TBX3: variants seen among roughly 807,000 people sequenced by gnomAD.
The protein encoded by TBX3 is T-box transcription factor TBX3.
In TBX3, 11 loss-of-function variants were observed where a neutral mutation model predicts 47.8. The ratio of observed to expected loss-of-function variants is 0.23; its 90% CI spans 0.14 to 0.38. The LOEUF (loss-of-function observed/expected upper bound fraction) is 0.38. TBX3 is among the 10% of genes least tolerant of loss of function. TBX3 has a pLI of 1.00. For synonymous variants in TBX3, 500 were observed against 449.3 expected (o/e 1.11, Z -1.43); for missense variants, 927 against 1,022.8 (o/e 0.91, Z 1.28).
chr12:114,671,968 C>T lies in TBX3; in HGVS notation c.2045G>A (p.Ser682Asn), dbSNP rs199572544. The T allele has an allele frequency of 3.4e-5, 55 of 1,601,088 alleles. No individual in the cohort carries two copies. In the African/African-American group the frequency reaches 6.4e-4, roughly 19 times the overall value. ...GAGTTTGGGCGACAAGGACATGGAG[C>T]TGGAGGAGAGCGTGGAGGAGCGGCT... ...LNSRSSTLSS[S>N]SMSLSPKLCA... The change falls in exon 7 of 7, where the codon AGC (serine) becomes AAC (asparagine). Residue 682 changes from serine (S) to asparagine (N), a missense_variant. By Grantham distance (46) the Ser-to-Asn change is conservative. Around this residue, in one of 5 missense-constraint regions of TBX3, gnomAD observed 623 missense variants for 569.0 expected, o/e 1.09. Coordinates refer to ENST00000349155, the MANE Select transcript of TBX3 (RefSeq NM_005996.4).
chr12:114,670,267 A>C lies in TBX3; in HGVS notation c.*1574T>G, dbSNP rs1274404662. The stretch of plus-strand genomic sequence containing the variant: ...CACAAGGCCCAAAGACATTTCAATA[A>C]AAATTTATTGAAATTTCAGTGATGT... On this transcript the variant is annotated 3_prime_UTR_variant, in exon 7 of 7. Coordinates refer to ENST00000349155, the MANE Select transcript of TBX3 (RefSeq NM_005996.4). The C allele has an allele frequency of 2.3e-5, 5 of 214,606 alleles. No homozygotes were observed. Among genetic ancestry groups the C allele is most frequent in the Non-Finnish European group, 4.7e-5 (5 of 106,530 alleles). 13.3% of individuals were successfully genotyped at this position (214,606 alleles called of 1,614,324 possible).
chr12:114,680,118 C>T, intron 2 of TBX3: 1 of 799,326 alleles, frequency 1.3e-6, no homozygotes, highest in South Asian at 1.6e-5. Flanking sequence ...AAATCAAGGG[C>T]TTCAAATGCA....
chr12:114,678,003 A>G (rs1453073191), intron 3 of TBX3, among the ~76,000 whole-genome samples: 1 of 149,226 alleles, frequency 6.7e-6, no homozygotes, highest in Non-Finnish European at 1.5e-5. Flanking sequence ...TTAATCATAA[A>G]TTATAGCATA....
rs1005082809 is a variant in TBX3, at chr12:114,676,620, G to A, written c.882-150C>T. ...AATTCACTGAAATCTGCTTGCCCCA[G>A]GGCAGCCACATAGACCCAAGCTTTG... On this transcript the variant is annotated intron_variant, in intron 4 of 6. Transcript: ENST00000349155. 91 of 1,075,068 alleles carry A rather than the reference G, an allele frequency of 8.5e-5. No homozygotes were observed. In the African/African-American group the frequency reaches 1.2e-3, roughly 14 times the overall value. The allele number at this position is 1,075,068 out of a possible 1,614,324, so 66.6% of individuals were successfully genotyped here. A position where few individuals can be genotyped will look rare whatever the true frequency, so the allele number is the denominator to read the frequency against.
intron 4 of TBX3, 56 bp downstream of exon 4, chr12:114,677,524 G>T (rs1868761631): frequency 6.4e-7 from 1 of 1,550,704 alleles, no homozygotes; most frequent in South Asian, 1.1e-5. Context: ...TTCAGAGTTG[G>T]ATCCTAAAAA....
At position 114,683,977 on chromosome 12, in the gene TBX3, G is replaced by C. The variant is rs769888620; in HGVS notation, c.-777C>G. The C allele has an allele frequency of 8.7e-6, 2 of 230,384 alleles. No homozygotes were observed. Among genetic ancestry groups the C allele is most frequent in the Non-Finnish European group, 1.7e-5 (2 of 116,418 alleles). 14.3% of individuals were successfully genotyped at this position (230,384 alleles called of 1,614,324 possible). A position where few individuals can be genotyped will look rare whatever the true frequency, so the allele number is the denominator to read the frequency against. On this transcript the variant is annotated 5_prime_UTR_variant, in exon 1 of 7. Coordinates refer to ENST00000349155, the MANE Select transcript of TBX3 (RefSeq NM_005996.4). This position sits in a 1 kb window ranked among gnomAD's most constrained non-coding sequence, Gnocchi z 7.7. ...CTCTCTCTCTTCCTTGTCCTAAAAC[G>C]TGAGCGAATTCGCTTCCTAAATCTG... is the stretch of plus-strand genomic sequence containing the variant.
At chr12:114,672,412 A>T in intron 6 of TBX3, 110 bp from the exon 7 acceptor site, 177 of 704,874 alleles carry the variant, frequency 2.5e-4, no homozygotes, top group Non-Finnish European at 3.3e-4. Flanking sequence ...AATCCCTGGT[A>T]TGTTCTGTTG....
rs751228574 is a variant in TBX3, at chr12:114,679,508, A to G, written c.801T>C (p.Asp267=). 3 of 1,614,206 alleles carry G rather than the reference A, an allele frequency of 1.9e-6. No individual in the cohort carries two copies. The highest frequency in any genetic ancestry group is 2.5e-6 in the Non-Finnish European group (3 of 1,180,036). ...AAGGAAAGCCCCTTGAGTTTACCTTATCATTCTGGTATGCAGTCACAGCGA... is the reference window on the plus strand; with the variant it reads ...AAGGAAAGCCCCTTGAGTTTACCTTGTCATTCTGGTATGCAGTCACAGCGA... ...EFIAVTAYQN[D]KITQLKIDNN... Residue 267 remains aspartate (D), a synonymous_variant, in exon 3 of 7, where the codon GAT becomes GAC. Coordinates refer to ENST00000349155, the MANE Select transcript of TBX3 (RefSeq NM_005996.4).
Position 114,674,675 on chromosome 12 carries a change from C to G in TBX3, c.1200G>C (p.Glu400Asp), listed in dbSNP as rs763697862. 2 of 1,607,622 alleles carry G rather than the reference C, an allele frequency of 1.2e-6. No homozygotes were observed. The highest frequency in any genetic ancestry group is 1.1e-5 in the South Asian group (1 of 90,732). Residue 400 changes from glutamate (E) to aspartate (D), a missense_variant, in exon 6 of 7, where the codon GAG (glutamate) becomes GAC (aspartate). Coordinates refer to ENST00000349155, the MANE Select transcript of TBX3 (RefSeq NM_005996.4). Reference sequence around the variant, plus strand: ...CCAGCCGCCCGCTGTCCCGGGGCCGCTCAGCAGCGAAAAGGTGAGCCTTGA... The same window carrying G: ...CCAGCCGCCCGCTGTCCCGGGGCCGGTCAGCAGCGAAAAGGTGAGCCTTGA... ...PAVKAHLFAA[E>D]RPRDSGRLDK...
Position 114,671,851 on chromosome 12 carries a change from G to A in TBX3, c.2162C>T (p.Ala721Val), listed in dbSNP as rs15033. Reference protein sequence around the residue: ...LEAKPDRSRSASP With the variant: ...LEAKPDRSRSVSP ...GTGTCTGGGACGGGTCTACGGGGAC[G>A]CGCTGCGGGACCTGTCCGGCTTGGC... is the stretch of plus-strand genomic sequence containing the variant. Residue 721 changes from alanine (A) to valine (V), a missense_variant, in exon 7 of 7, where the codon GCG (alanine) becomes GTG (valine). Ala to Val is a moderately conservative substitution (Grantham distance 64, BLOSUM62 0). Around this residue, in one of 5 missense-constraint regions of TBX3, gnomAD observed 623 missense variants for 569.0 expected, o/e 1.09. Transcript: ENST00000349155. 1.3e-6 allele frequency: 2 copies of A among 1,556,522 alleles called. No individual in the cohort carries two copies. The highest frequency in any genetic ancestry group is 1.7e-6 in the Non-Finnish European group (2 of 1,150,662).
chr12:114,676,857 T>C (rs1048709152), intron 4 of TBX3, among the ~76,000 whole-genome samples: 1 of 152,246 alleles, frequency 6.6e-6, no homozygotes, highest in African/African-American at 2.4e-5. Context: ...TGTCCAATCC[T>C]GCAAACACAA....
At position 114,671,447 on chromosome 12, in the gene TBX3, G is replaced by T; in HGVS notation, c.*394C>A. The stretch of plus-strand genomic sequence containing the variant: ...TTTTTTTTTGAAAGATTTTGTTTTT[G>T]TTTCCACTTGACACAGTGAAGGAAA... On this transcript the variant is annotated 3_prime_UTR_variant, in exon 7 of 7. Coordinates refer to ENST00000349155, the MANE Select transcript of TBX3 (RefSeq NM_005996.4). 1 of 289,176 alleles carries T rather than the reference G, an allele frequency of 3.5e-6. No individual in the cohort carries two copies. The highest frequency in any genetic ancestry group is 6.5e-6 in the Non-Finnish European group (1 of 153,338). 17.9% of individuals were successfully genotyped at this position (289,176 alleles called of 1,614,324 possible).
Position 114,671,751 on chromosome 12 carries a change from G to T in TBX3, c.*90C>A. 2 of 1,501,688 alleles carry T rather than the reference G, an allele frequency of 1.3e-6. No individual in the cohort carries two copies. The highest frequency in any genetic ancestry group is 2.0e-5 in the Admixed American group (1 of 50,946). The allele number at this position is 1,501,688 out of a possible 1,614,324, so 93.0% of individuals were successfully genotyped here. On this transcript the variant is annotated 3_prime_UTR_variant, in exon 7 of 7. Transcript: ENST00000349155. ...CGCAACTGCAAAAGGAAGGGCTAAC[G>T]CCATGGCGGGCCCGTGGTTTATTTT...
chr12:114,681,358 C>T lies in TBX3; in HGVS notation c.390-212G>A, dbSNP rs74973331. Among the ~76,000 whole-genome samples the T allele has an allele frequency of 1.4e-4, 21 of 152,336 alleles. 1 individual carries two copies. In the East Asian group the frequency reaches 2.9e-3, roughly 21 times the overall value. ...TATTCTCAGTTTCGCCATATTTAGA[C>T]GTCCCAAGGTTCAAAACAAATGCAT... On this transcript the variant is annotated intron_variant, in intron 1 of 6. Transcript: ENST00000349155.
At position 114,676,445 on chromosome 12, in the gene TBX3, T is replaced by C; in HGVS notation, c.907A>G (p.Arg303Gly). The C allele has an allele frequency of 1.2e-6, 2 of 1,614,230 alleles. No individual in the cohort carries two copies. The highest frequency in any genetic ancestry group is 1.7e-6 in the Non-Finnish European group (2 of 1,180,046). Residue 303 changes from arginine to glycine, a missense_variant, in exon 5 of 7, where the codon AGG (arginine) becomes GGG (glycine). Transcript: ENST00000349155. The stretch of plus-strand genomic sequence containing the variant: ...TTTTTGTGTCTTTCATCAAACACCC[T>C]CATGGACTGCAGGGTGAGCTGTTTT... ...KRKQLTLQSM[R>G]VFDERHKKEN...
intron 5 of TBX3, among the ~76,000 whole-genome samples, chr12:114,675,730 G>A (rs1868682347): frequency 1.3e-5 from 2 of 151,784 alleles, no homozygotes; most frequent in South Asian, 2.1e-4. Context: ...GGGGGGATTT[G>A]AGCCATCTTG....
At chr12:114,677,693 T>A in intron 3 of TBX3, 37 bp from the exon 4 acceptor site, 1 of 1,597,924 alleles carries the variant, frequency 6.3e-7, no homozygotes, top group Non-Finnish European at 8.6e-7. Context: ...GAGACATTGT[T>A]CTCATTTTCT....
At chr12:114,677,734 A>C (rs1161696804) in intron 3 of TBX3, 78 bp from the exon 4 acceptor site, 1 of 1,382,658 alleles carries the variant, frequency 7.2e-7, no homozygotes, top group East Asian at 2.3e-5. Context: ...TTCCCAACTC[A>C]ACAAGTCTAG....
intron 1 of TBX3, among the ~76,000 whole-genome samples, chr12:114,682,154 A>T (rs1346520352): frequency 6.6e-6 from 1 of 151,856 alleles, no homozygotes; most frequent in Non-Finnish European, 1.5e-5. Context: ...TTCACACATT[A>T]AAAAAAAGGT....
Sources: allele counts gnomAD v4.1 joint callset (sites outside exome capture counted in the v4.1 genomes callset), GRCh38; gene constraint gnomAD v4.1.1; regional missense constraint gnomAD v4.1.1; non-coding constraint Gnocchi (gnomAD v3.1); transcripts MANE v1.5; gene names NCBI Gene and HGNC (gene_info 2026-07-23, HGNC 2026-07-21).